RBFOX1: variants seen among roughly 807,000 people sequenced by gnomAD.
The protein encoded by RBFOX1 is RNA binding fox-1 homolog 1.
Under a neutral mutation model 57.7 loss-of-function variants are expected in RBFOX1, and 8 were observed. The observed-to-expected ratio is 0.14, with a 90% confidence interval of 0.08 to 0.25. The LOEUF (loss-of-function observed/expected upper bound fraction) is 0.25, where lower values mean the gene tolerates loss of function less well. RBFOX1 is among the 10% of genes least tolerant of loss of function. RBFOX1 has a pLI of 1.00. For synonymous variants in RBFOX1, 326 were observed against 222.4 expected (o/e 1.47, Z -4.15); for missense variants, 611 against 548.5 (o/e 1.11, Z -1.14).
At chr16:7,398,841 A>G (rs1219815087) in intron 4 of RBFOX1, among the ~76,000 whole-genome samples, 1 of 152,194 alleles carries the variant, frequency 6.6e-6, no homozygotes, top group Non-Finnish European at 1.5e-5. Flanking sequence ...CCCTTTTAAA[A>G]TGTAATCCTT....
intron 3 of RBFOX1, among the ~76,000 whole-genome samples, chr16:6,889,977 C>G (rs962996515): frequency 3.3e-5 from 5 of 152,248 alleles, no homozygotes; most frequent in African/African-American, 1.2e-4. Flanking sequence ...TTCCAGGAGA[C>G]CAATGTGTTT....
chr16:6,943,544 T>G (rs1169257298), intron 3 of RBFOX1, among the ~76,000 whole-genome samples: 1 of 151,876 alleles, frequency 6.6e-6, no homozygotes, highest in East Asian at 1.9e-4. Context: ...CCATCTCTAC[T>G]AAAAATACAA....
intron 4 of RBFOX1, among the ~76,000 whole-genome samples, chr16:5,935,052 C>G (rs1257300432): frequency 6.6e-6 from 1 of 152,186 alleles, no homozygotes; most frequent in African/African-American, 2.4e-5. Flanking sequence ...AGTGTCTACA[C>G]CCTCAGCTTT....
intron 4 of RBFOX1, among the ~76,000 whole-genome samples, chr16:5,891,754 T>C (rs2058048826): frequency 6.6e-6 from 1 of 152,142 alleles, no homozygotes; most frequent in South Asian, 2.1e-4. Context: ...AGAAAGTTCC[T>C]GGGGCAGAGC....
intron 1 of RBFOX1, among the ~76,000 whole-genome samples, chr16:6,035,393 C>G (rs888727903): frequency 6.6e-6 from 1 of 152,208 alleles, no homozygotes; most frequent in Non-Finnish European, 1.5e-5. Context: ...TAGGAAGAAA[C>G]AAGACGGTAT....
At chr16:7,619,442 T>C (rs1468354767) in intron 10 of RBFOX1, among the ~76,000 whole-genome samples, 1 of 152,130 alleles carries the variant, frequency 6.6e-6, no homozygotes, top group African/African-American at 2.4e-5. Context: ...CTTTGAGAGA[T>C]TGAAAGGTGA....
chr16:6,552,642 C>T (rs1319091744), intron 2 of RBFOX1, among the ~76,000 whole-genome samples: 2 of 152,066 alleles, frequency 1.3e-5, no homozygotes, highest in Non-Finnish European at 2.9e-5. Flanking sequence ...ATTTGGCATC[C>T]TTGGAAAATG....
chr16:5,723,866 A>G (rs1007614952), intron 3 of RBFOX1, among the ~76,000 whole-genome samples: 5 of 152,238 alleles, frequency 3.3e-5, no homozygotes, highest in African/African-American at 1.2e-4. Flanking sequence ...TGTTTTCCTT[A>G]CAGCAAAGTC....
chr16:6,444,942 G>A (rs1157441539), intron 2 of RBFOX1, among the ~76,000 whole-genome samples: 1 of 152,120 alleles, frequency 6.6e-6, no homozygotes, highest in Non-Finnish European at 1.5e-5. Context: ...AGGCTGAGTG[G>A]AGAATGGATT....
intron 4 of RBFOX1, among the ~76,000 whole-genome samples, chr16:7,344,651 A>C (rs2096960560): frequency 6.6e-6 from 1 of 151,978 alleles, no homozygotes; most frequent in Admixed American, 6.6e-5. Flanking sequence ...TTTTTTCCTA[A>C]ATAATTTCTA....
At chr16:7,504,122 G>T (rs2071945362) in intron 4 of RBFOX1, among the ~76,000 whole-genome samples, 1 of 152,012 alleles carries the variant, frequency 6.6e-6, no homozygotes, top group South Asian at 2.1e-4. Flanking sequence ...TTCAGAATTG[G>T]GTTGGTACAA....
chr16:7,325,374 A>C (rs1025230629), intron 4 of RBFOX1, among the ~76,000 whole-genome samples: 1 of 152,208 alleles, frequency 6.6e-6, no homozygotes, highest in African/African-American at 2.4e-5. Context: ...AATGTGGTCT[A>C]TGTGGTTTAA....
chr16:7,449,165 G>C (rs182044544), intron 4 of RBFOX1, among the ~76,000 whole-genome samples: 9 of 152,126 alleles, frequency 5.9e-5, no homozygotes, highest in Admixed American at 2.6e-4. Flanking sequence ...CCGACTTCAG[G>C]TGATCCACCT....
chr16:5,480,941 T>C (rs1415409369), intron 2 of RBFOX1, among the ~76,000 whole-genome samples: 7 of 152,220 alleles, frequency 4.6e-5, no homozygotes, highest in African/African-American at 1.2e-4. Flanking sequence ...ATCTATGTAG[T>C]ATATATTCTG....
intron 2 of RBFOX1, among the ~76,000 whole-genome samples, chr16:6,482,523 T>C (rs910858327): frequency 6.6e-6 from 1 of 152,202 alleles, no homozygotes; most frequent in Non-Finnish European, 1.5e-5. Flanking sequence ...GAAAATTACT[T>C]TGATGATATT....
At chr16:6,190,815 A>G (rs552076675) in intron 1 of RBFOX1, among the ~76,000 whole-genome samples, 4 of 152,292 alleles carry the variant, frequency 2.6e-5, no homozygotes, top group Non-Finnish European at 5.9e-5. Context: ...AAAGAATTCT[A>G]AAAGGTTTAA....
chr16:5,424,859 CTT>C (rs1421760235), intron 1 of RBFOX1, among the ~76,000 whole-genome samples: 6 of 143,120 alleles, frequency 4.2e-5, no homozygotes, highest in Non-Finnish European at 7.5e-5. Flanking sequence ...CTCTCTCTCT[CTT>C]CTTTCTTTCT....
chr16:6,362,689 A>G (rs2088806325), intron 2 of RBFOX1, among the ~76,000 whole-genome samples: 1 of 152,222 alleles, frequency 6.6e-6, no homozygotes, highest in African/African-American at 2.4e-5. Context: ...GTTCTGGTCT[A>G]GCTTGGGTCA....
At chr16:7,278,410 G>A (rs1472757755) in intron 4 of RBFOX1, among the ~76,000 whole-genome samples, 3 of 152,152 alleles carry the variant, frequency 2.0e-5, no homozygotes, top group South Asian at 2.1e-4. Flanking sequence ...ACATGTGCAA[G>A]CCAGAGGGTG....
Sources: allele counts gnomAD v4.1 joint callset (sites outside exome capture counted in the v4.1 genomes callset), GRCh38; gene constraint gnomAD v4.1.1; transcripts MANE v1.5; gene names NCBI Gene and HGNC (gene_info 2026-07-23, HGNC 2026-07-21).